Variants in CHRDL1 observed in about 807,000 individuals in gnomAD.
CHRDL1 encodes chordin-like protein 1.
A neutral mutation model predicts 40.9 loss-of-function variants in CHRDL1; 19 were observed. The observed-to-expected ratio is 0.46, with a 90% confidence interval of 0.32 to 0.68. CHRDL1 has a LOEUF of 0.68. Among genes scored for constraint, CHRDL1 ranks in the 30% least tolerant of loss-of-function variants. The probability of loss-of-function intolerance (pLI) is 0.03; values close to 1 mark genes in which losing one functional copy is unlikely to be tolerated. For missense variants in CHRDL1, 329 were observed against 352.1 expected (o/e 0.93, Z 0.53); for synonymous variants, 136 against 123.4 (o/e 1.10, Z -0.68).
intron 4 of CHRDL1, among the ~76,000 whole-genome samples, chrX:110,725,581 A>C (rs765815211): frequency 9.0e-6 from 1 of 110,806 alleles, no homozygotes; most frequent in Non-Finnish European, 1.9e-5. Flanking sequence ...TCTGGAACCA[A>C]GTCCTCATGC....
intron 3 of CHRDL1, among the ~76,000 whole-genome samples, chrX:110,761,395 G>A (rs1488648521): frequency 8.9e-6 from 1 of 112,312 alleles, no homozygotes; most frequent in Non-Finnish European, 1.9e-5. Context: ...GCAAGTGATT[G>A]TTCCTGCTCT....
chrX:110,782,554 A>G (rs16986160), intron 2 of CHRDL1, among the ~76,000 whole-genome samples: 2,415 of 112,412 alleles, frequency 0.021, 68 homozygotes, highest in African/African-American at 0.073. Flanking sequence ...ACACAACTTT[A>G]ATCACCTTTT....
chrX:110,763,232 C>T (rs1384021558), intron 2 of CHRDL1, among the ~76,000 whole-genome samples: 1 of 110,261 alleles, frequency 9.1e-6, no homozygotes, highest in Non-Finnish European at 1.9e-5. Flanking sequence ...ATCACCCTAG[C>T]AGTATACACT....
chrX:110,689,490 C>CTATATA lies in CHRDL1; in HGVS notation c.779-688_779-687insTATATA, dbSNP rs1183907502. 8.5e-5 allele frequency among the ~76,000 whole-genome samples: 3 copies of CTATATA among 35,228 alleles called. No individual in the cohort carries two copies. In the African/African-American group the frequency reaches 1.6e-3, roughly 19 times the overall value. The allele number at this position is 35,228 out of a possible 115,157, so 30.6% of individuals were successfully genotyped here. A position where few individuals can be genotyped will look rare whatever the true frequency, so the allele number is the denominator to read the frequency against. ...TATCTATATATCTATATATCTATAT[C>CTATATA]TCTATATATCTATATATCTATATCT... is the stretch of plus-strand genomic sequence containing the variant. On this transcript the variant is annotated intron_variant, in intron 8 of 11. Transcript: ENST00000372042.
At chrX:110,709,907 C>T (rs777532274) in intron 6 of CHRDL1, among the ~76,000 whole-genome samples, 14 of 111,060 alleles carry the variant, frequency 1.3e-4, no homozygotes, top group Non-Finnish European at 2.6e-4. Flanking sequence ...GAGGCTGAGG[C>T]GGGAGGATCA....
chrX:110,790,112 T>C (rs757264348), intron 2 of CHRDL1, among the ~76,000 whole-genome samples: 2 of 112,173 alleles, frequency 1.8e-5, no homozygotes, highest in Non-Finnish European at 1.9e-5. Flanking sequence ...ACAGCATATA[T>C]AGGACATATG....
intron 4 of CHRDL1, among the ~76,000 whole-genome samples, chrX:110,733,041 T>TGCATTTGG (rs2071195759): frequency 8.9e-6 from 1 of 112,356 alleles, no homozygotes; most frequent in Non-Finnish European, 1.9e-5. Flanking sequence ...CTGATTATGA[T>TGCATTTGG]TATCTCCCTG....
intron 4 of CHRDL1, among the ~76,000 whole-genome samples, chrX:110,731,762 A>T: frequency 9.0e-6 from 1 of 111,692 alleles, no homozygotes; most frequent in East Asian, 2.8e-4. Context: ...AAAATAGGCA[A>T]ATCCATAGAG....
chrX:110,720,504 A>C (rs2070929864), intron 5 of CHRDL1, among the ~76,000 whole-genome samples: 1 of 111,981 alleles, frequency 8.9e-6, no homozygotes, highest in Non-Finnish European at 1.9e-5. Flanking sequence ...TATCTTTCAA[A>C]TGTTATTCCT....
chrX:110,764,373 G>A (rs189583066), intron 2 of CHRDL1, among the ~76,000 whole-genome samples: 5 of 112,420 alleles, frequency 4.4e-5, no homozygotes, highest in East Asian at 2.8e-4. Context: ...GGCTGGAGCC[G>A]TGGCAGAGGA....
chrX:110,687,396 G>A (rs1159853547), intron 9 of CHRDL1, among the ~76,000 whole-genome samples: 2 of 111,313 alleles, frequency 1.8e-5, no homozygotes, highest in African/African-American at 3.3e-5. Context: ...GTAGAAGCTC[G>A]CCAAGGGGTT....
chrX:110,751,980 T>C (rs1247571024), intron 4 of CHRDL1, among the ~76,000 whole-genome samples: 1 of 112,317 alleles, frequency 8.9e-6, no homozygotes, highest in Non-Finnish European at 1.9e-5. Flanking sequence ...GCAACATGAA[T>C]GAGACTTGAA....
intron 4 of CHRDL1, among the ~76,000 whole-genome samples, chrX:110,757,968 T>A (rs187276079): frequency 1.8e-5 from 2 of 109,712 alleles, no homozygotes; most frequent in African/African-American, 6.6e-5. Context: ...TCAACCTTCT[T>A]CCCAGGGAAG....
chrX:110,775,867 G>T (rs2089844116), intron 2 of CHRDL1, among the ~76,000 whole-genome samples: 1 of 108,616 alleles, frequency 9.2e-6, no homozygotes, highest in Non-Finnish European at 1.9e-5. Flanking sequence ...TCTCTTCTCT[G>T]AGCATATCAA....
At chrX:110,782,897 C>A (rs1265495531) in intron 2 of CHRDL1, among the ~76,000 whole-genome samples, 1 of 111,972 alleles carries the variant, frequency 8.9e-6, no homozygotes, top group Admixed American at 9.5e-5. Context: ...GAAACCTGAT[C>A]TAAAATGAAA....
At chrX:110,781,279 A>C (rs1052195694) in intron 2 of CHRDL1, among the ~76,000 whole-genome samples, 2 of 111,425 alleles carry the variant, frequency 1.8e-5, no homozygotes, top group African/African-American at 6.5e-5. Flanking sequence ...ACATTTCAGA[A>C]AGAATCTGAG....
chrX:110,710,890 G>A (rs915188586), intron 6 of CHRDL1, among the ~76,000 whole-genome samples: 21 of 111,329 alleles, frequency 1.9e-4, no homozygotes, highest in African/African-American at 6.5e-4. Context: ...GAAAATATCA[G>A]AGTATATCAA....
intron 4 of CHRDL1, among the ~76,000 whole-genome samples, chrX:110,747,038 GC>G (rs202219859): frequency 0.024 from 2,668 of 109,936 alleles, 84 homozygotes; most frequent in African/African-American, 0.083. Flanking sequence ...CTCTTTATTG[GC>G]CCCCCCTGCC....
intron 3 of CHRDL1, 60 bp from the exon 4 acceptor site, chrX:110,759,814 C>A: frequency 1.2e-6 from 1 of 857,881 alleles, no homozygotes; most frequent in Non-Finnish European, 1.7e-6. Flanking sequence ...TGGGATCAAG[C>A]CAGTTTGGGA....
Sources: gnomAD v4.1 joint callset for allele counts (sites outside exome capture counted in the v4.1 genomes callset) on GRCh38, gnomAD v4.1.1 for gene constraint, MANE v1.5 for transcripts, NCBI Gene and HGNC (gene_info 2026-07-23, HGNC 2026-07-21) for gene names.